Variants in ZBED6 observed in about 807,000 individuals in gnomAD.
ZBED6 encodes the protein zinc finger BED-type containing 6, also known as zinc finger BED domain-containing protein 6.
A neutral mutation model predicts 58.4 loss-of-function variants in ZBED6; 40 were observed. The observed-to-expected ratio is 0.68, with a 90% CI of 0.53 to 0.89. The LOEUF (loss-of-function observed/expected upper bound fraction) is 0.89. Among genes scored for constraint, ZBED6 ranks in the 40% least tolerant of loss-of-function variants. The pLI is 0.00. For missense variants in ZBED6, 1,057 were observed against 1,003.9 expected (o/e 1.05, Z -0.71); for synonymous variants, 439 against 350.6 (o/e 1.25, Z -2.82).
At chr1:203,839,771 T>C (rs1001643640) in intron 10 of ZBED6, among the ~76,000 whole-genome samples, 3 of 152,142 alleles carry the variant, frequency 2.0e-5, no homozygotes, top group African/African-American at 4.8e-5. Context: ...GTTTTTGCTT[T>C]TCAGATATAA....
exon 12 of ZBED6, chr1:203,847,377 A>G: frequency 1.9e-6 from 3 of 1,614,000 alleles, no homozygotes; most frequent in South Asian, 2.2e-5. Flanking sequence ...TCCTGGCTGA[A>G]AAAAAACATC....
At chr1:203,810,122 G>T (rs1571991009) in intron 1 of ZBED6, among the ~76,000 whole-genome samples, 1 of 151,666 alleles carries the variant, frequency 6.6e-6, no homozygotes, top group South Asian at 2.1e-4. Context: ...AAAAGCTGGA[G>T]TGGTGTTTTT....
At chr1:203,828,343 A>G in exon 4 of ZBED6, 1 of 1,614,140 alleles carries the variant, frequency 6.2e-7, no homozygotes, top group Non-Finnish European at 8.5e-7. Flanking sequence ...ATCAGCCAAC[A>G]GGATGTCAAA....
chr1:203,804,854 G>C (rs1671745710), intron 1 of ZBED6, among the ~76,000 whole-genome samples: 1 of 151,646 alleles, frequency 6.6e-6, no homozygotes, highest in African/African-American at 2.4e-5. Flanking sequence ...TGTATTTTTA[G>C]TAGAGATGGG....
At chr1:203,825,998 ACAGAAGTCATT>A (rs1300799890) in intron 3 of ZBED6, among the ~76,000 whole-genome samples, 3 of 152,234 alleles carry the variant, frequency 2.0e-5, no homozygotes, top group Non-Finnish European at 4.4e-5. Flanking sequence ...AGATACTGTT[ACAGAAGTCATT>A]CAGTAATTTG....
chr1:203,828,508 C>G lies in ZBED6; in HGVS notation c.*2997+86C>G, dbSNP rs80192987. 1.7e-4 allele frequency: 243 copies of G among 1,464,994 alleles called. 1 individual carries two copies. The African/African-American group carries it at 3.2e-3, about 20-fold the overall frequency. 90.7% of individuals were successfully genotyped at this position (1,464,994 alleles called of 1,614,324 possible). On this transcript the variant is annotated intron_variant, in intron 4 of 16. Coordinates refer to ENST00000550078, the Ensembl canonical transcript of ZBED6. ...AACAGTACTTTTCAGACATTGACTCCTTTCAGTCTTGTGAAACAGCAGAAT... is the reference window on the plus strand; with the variant it reads ...AACAGTACTTTTCAGACATTGACTCGTTTCAGTCTTGTGAAACAGCAGAAT...
chr1:203,816,364 C>A (rs1280064728), intron 1 of ZBED6, among the ~76,000 whole-genome samples: 4 of 152,052 alleles, frequency 2.6e-5, no homozygotes, highest in African/African-American at 9.7e-5. Context: ...ATGGCTCACA[C>A]CTATAATCCC....
intron 11 of ZBED6, among the ~76,000 whole-genome samples, chr1:203,846,826 G>C (rs1371218745): frequency 1.3e-5 from 2 of 152,074 alleles, no homozygotes; most frequent in Non-Finnish European, 2.9e-5. Flanking sequence ...CCTGGAACTT[G>C]CAGTAATCTA....
exon 1 of ZBED6, chr1:203,799,129 T>A: frequency 6.6e-7 from 1 of 1,519,326 alleles, no homozygotes; most frequent in Non-Finnish European, 8.8e-7. Flanking sequence ...GACTGTTTGA[T>A]AACCAATATT....
intron 3 of ZBED6, among the ~76,000 whole-genome samples, chr1:203,826,337 TATC>T (rs1275725704): frequency 4.0e-5 from 6 of 151,016 alleles, no homozygotes; most frequent in Admixed American, 2.0e-4. Flanking sequence ...TTTTAGAAAA[TATC>T]AATAATATTA....
chr1:203,844,076 C>G (rs1368770144), intron 11 of ZBED6, among the ~76,000 whole-genome samples: 1 of 152,112 alleles, frequency 6.6e-6, no homozygotes, highest in Non-Finnish European at 1.5e-5. Context: ...AGGCTGGTCT[C>G]GAACTCCCGA....
chr1:203,844,587 C>T (rs573877810), intron 11 of ZBED6, among the ~76,000 whole-genome samples: 1 of 151,780 alleles, frequency 6.6e-6, no homozygotes, highest in Admixed American at 6.6e-5. Context: ...GTTGTTTTTC[C>T]ATAGTTGTAA....
intron 11 of ZBED6, among the ~76,000 whole-genome samples, chr1:203,845,084 C>T (rs867068199): frequency 3.9e-5 from 6 of 152,114 alleles, no homozygotes; most frequent in South Asian, 2.1e-4. Flanking sequence ...TTTCCTTTGA[C>T]TGTATTGGGA....
exon 9 of ZBED6, chr1:203,833,837 A>T: frequency 6.2e-7 from 1 of 1,610,222 alleles, no homozygotes; most frequent in South Asian, 1.1e-5. Context: ...GACTGGGGAA[A>T]CGAAAATTTT....
intron 9 of ZBED6, among the ~76,000 whole-genome samples, chr1:203,836,843 G>A (rs1220627381): frequency 1.3e-5 from 2 of 152,104 alleles, no homozygotes; most frequent in Admixed American, 1.3e-4. Flanking sequence ...TGATGACTTG[G>A]GTAAGATACA....
chr1:203,816,188 A>G (rs1455239083), intron 1 of ZBED6, among the ~76,000 whole-genome samples: 1 of 152,262 alleles, frequency 6.6e-6, no homozygotes, highest in Admixed American at 6.5e-5. Context: ...TAGATGAAAC[A>G]TTCTACTTTA....
intron 1 of ZBED6, among the ~76,000 whole-genome samples, chr1:203,812,320 A>G (rs955227068): frequency 2.6e-5 from 4 of 151,914 alleles, no homozygotes; most frequent in African/African-American, 4.8e-5. Flanking sequence ...GTTCCCCTCT[A>G]TGTGTCCAAG....
intron 16 of ZBED6, among the ~76,000 whole-genome samples, chr1:203,851,402 T>C (rs1689223046): frequency 6.6e-6 from 1 of 152,190 alleles, no homozygotes; most frequent in African/African-American, 2.4e-5. Flanking sequence ...CAATCTCTGC[T>C]CACTGCAACC....
At chr1:203,800,538 A>G in exon 1 of ZBED6, 1 of 1,347,486 alleles carries the variant, frequency 7.4e-7, no homozygotes, top group Non-Finnish European at 9.7e-7. Context: ...GTTAAATATA[A>G]TCATTATCTT....
Sources: gnomAD v4.1 joint callset for allele counts (sites outside exome capture counted in the v4.1 genomes callset) on GRCh38, gnomAD v4.1.1 for gene constraint, MANE v1.5 for transcripts, NCBI Gene and HGNC (gene_info 2026-07-23, HGNC 2026-07-21) for gene names.